SDR42E1: variants seen among roughly 807,000 people sequenced by gnomAD.
SDR42E1 encodes the protein short-chain dehydrogenase/reductase family 42E member 1.
In SDR42E1, 5 loss-of-function variants were observed where a neutral mutation model predicts 2.6. That is an observed-to-expected ratio of 1.94 (90% CI 1.01 to 4.08). The LOEUF (loss-of-function observed/expected upper bound fraction) is 4.08, where lower values mean the gene tolerates loss of function less well. Among genes scored for constraint, SDR42E1 ranks in the 30% most tolerant of loss-of-function variants. SDR42E1 has a pLI of 0.00. For missense variants in SDR42E1, 596 were observed against 478.6 expected, an observed-to-expected ratio of 1.25 and a Z score of -2.29; for synonymous variants, 231 against 188.3, an observed-to-expected ratio of 1.23 and a Z score of -1.86.
In SDR42E1 at chr16:81,989,481, T is replaced by C. The variant is rs1486196580; in HGVS notation, c.*9630A>G. 6.6e-6 allele frequency: 1 copy of C among 152,242 alleles called. No individual in the cohort carries two copies. The highest frequency in any genetic ancestry group is 1.9e-4 in the East Asian group (1 of 5,202). The allele number at this position is 152,242 out of a possible 1,614,324, so 9.4% of individuals were successfully genotyped here. ...TGTATAGTTACTTTTAAATCTAAGT[T>C]ACACAGAAGCACTCTGAATGTGTAG... On this transcript the variant is annotated 3_prime_UTR_variant, in exon 3 of 3. Coordinates refer to ENST00000328945, the MANE Select transcript of SDR42E1 (RefSeq NM_145168.3).
Position 82,000,029 on chromosome 16 carries a change from C to G in SDR42E1, c.264G>C (p.Glu88Asp), listed in dbSNP as rs777581352. 6.2e-7 allele frequency: 1 copy of G among 1,614,190 alleles called. No individual in the cohort carries two copies. Among genetic ancestry groups the G allele is most frequent in the East Asian group, 2.2e-5 (1 of 44,884 alleles). ...HIASYGMSGR[E>D]QLNRNLIKEV... ...CTTTGATCAGGTTTCGATTGAGTTG[C>G]TCCCGCCCTGACATACCATAAGAGG... The change falls in exon 3 of 3, where the codon GAG (glutamate) becomes GAC (aspartate). Residue 88 changes from glutamate (E) to aspartate (D), a missense_variant. Glu to Asp is a conservative substitution (Grantham distance 45). Transcript: ENST00000328945.
rs112422607 is a variant in SDR42E1, at chr16:82,008,535, C to T, written c.-27+2852G>A. ...ATGAGGAACTTGTTGGGAACTGGAGCAAAAGTGACTCGTTATGTTTTAGCA... is the reference window on the plus strand; with the variant it reads ...ATGAGGAACTTGTTGGGAACTGGAGTAAAAGTGACTCGTTATGTTTTAGCA... On this transcript the variant is annotated intron_variant, in intron 1 of 2. Transcript: ENST00000328945. Among the ~76,000 whole-genome samples, 7 of 152,270 alleles carry T rather than the reference C, an allele frequency of 4.6e-5. 1 individual carries two copies. The highest frequency in any genetic ancestry group is 1.7e-4 in the African/African-American group (7 of 41,540).
At position 81,995,992 on chromosome 16, in the gene SDR42E1, A is replaced by T. The variant is rs1326279455; in HGVS notation, c.*3119T>A. On this transcript the variant is annotated 3_prime_UTR_variant, in exon 3 of 3. Transcript: ENST00000328945. ...AAGAGACACGAAATAAACATTATTC[A>T]GGCCAAAAGGAGGAGCAGGGAGCCT... is the stretch of plus-strand genomic sequence containing the variant. The T allele has an allele frequency of 6.6e-6, 1 of 152,254 alleles. No individual in the cohort carries two copies. Among genetic ancestry groups the T allele is most frequent in the East Asian group, 1.9e-4 (1 of 5,202 alleles). The allele number at this position is 152,254 out of a possible 1,614,324, so 9.4% of individuals were successfully genotyped here.
chr16:82,003,104 A>T (rs969998480), intron 1 of SDR42E1, among the ~76,000 whole-genome samples: 1 of 152,194 alleles, frequency 6.6e-6, no homozygotes, highest in Non-Finnish European at 1.5e-5. Flanking sequence ...TCAGCAAGTG[A>T]CTGTCTCAGT....
rs1303355910 is a variant in SDR42E1, at chr16:81,990,440, T to C, written c.*8671A>G. 1.3e-5 allele frequency: 2 copies of C among 152,242 alleles called. No homozygotes were observed. The highest frequency in any genetic ancestry group is 4.8e-5 in the African/African-American group (2 of 41,458). The allele number at this position is 152,242 out of a possible 1,614,324, so 9.4% of individuals were successfully genotyped here. On this transcript the variant is annotated 3_prime_UTR_variant, in exon 3 of 3. Transcript: ENST00000328945. ...CTACAGTCTTATGTTGCTAATTAGT[T>C]ACTGAACATTCCATTTGAACGTCTC...
rs1247145545 is a variant in SDR42E1 at position 82,002,144 on chromosome 16, G to A, written c.-26-1260C>T. On this transcript the variant is annotated intron_variant, in intron 1 of 2. Transcript: ENST00000328945. Reference sequence around the variant, plus strand: ...AAAGTAGACTTCAACATGGAAGAGTGTGGAGACAGGAGGGAAGCGGGAGCA... The same window carrying A: ...AAAGTAGACTTCAACATGGAAGAGTATGGAGACAGGAGGGAAGCGGGAGCA... Among the ~76,000 whole-genome samples the A allele has an allele frequency of 2.0e-5, 3 of 152,182 alleles. No homozygotes were observed. In the East Asian group the frequency reaches 5.8e-4, roughly 29 times the overall value.
chr16:82,000,053 G>A lies in SDR42E1; in HGVS notation c.240C>T (p.Ala80=), dbSNP rs1488368778. 1.2e-6 allele frequency: 2 copies of A among 1,614,196 alleles called. No homozygotes were observed. The highest frequency in any genetic ancestry group is 1.7e-6 in the Non-Finnish European group (2 of 1,180,046). The change falls in exon 3 of 3, where the codon GCC becomes GCT. Residue 80 remains alanine, a synonymous_variant. Coordinates refer to ENST00000328945, the MANE Select transcript of SDR42E1 (RefSeq NM_145168.3). ...GCTCCCGCCCTGACATACCATAAGA[G>A]GCAATATGGAACACACAAGTGACGT... ...DADVTCVFHI[A]SYGMSGREQL... is the part of the protein sequence containing the mutation.
In SDR42E1 at chr16:82,000,234, G is replaced by GA. The variant is rs1567563980; in HGVS notation, c.69-11dup. On this transcript the variant is annotated splice_polypyrimidine_tract_variant and intron_variant, in intron 2 of 2. Transcript: ENST00000328945. ...CAGGGCACAGCCCAGGCTGAAATAAGAAACAGTAAACGTTGAATCAAGTCA... is the reference window on the plus strand; with the variant it reads ...CAGGGCACAGCCCAGGCTGAAATAAGAAAACAGTAAACGTTGAATCAAGTCA... The GA allele has an allele frequency of 6.2e-7, 1 of 1,602,476 alleles. No individual in the cohort carries two copies. Among genetic ancestry groups the GA allele is most frequent in the East Asian group, 2.2e-5 (1 of 44,798 alleles).
At chr16:82,000,378 C>G (rs772362022) in intron 2 of SDR42E1, 154 bp from the exon 3 acceptor site, 2 of 921,978 alleles carry the variant, frequency 2.2e-6, no homozygotes, top group Non-Finnish European at 3.5e-6. Flanking sequence ...GTGCAAGCCT[C>G]GCTTCTTCAA....
At chr16:82,004,532 A>C (rs975138997) in intron 1 of SDR42E1, among the ~76,000 whole-genome samples, 2 of 152,098 alleles carry the variant, frequency 1.3e-5, no homozygotes, top group Non-Finnish European at 2.9e-5. Context: ...ACAAGGTCTC[A>C]CTCTGTTGCC....
chr16:82,007,124 T>A (rs1912965727), intron 1 of SDR42E1, among the ~76,000 whole-genome samples: 1 of 152,238 alleles, frequency 6.6e-6, no homozygotes. Context: ...AAATGCCATG[T>A]GAGTACAGAC....
rs1912411852 is a variant in SDR42E1 at position 81,990,950 on chromosome 16, A to G, written c.*8161T>C. 6.6e-6 allele frequency: 1 copy of G among 152,178 alleles called. No homozygotes were observed. The highest frequency in any genetic ancestry group is 1.5e-5 in the Non-Finnish European group (1 of 68,030). 9.4% of individuals were successfully genotyped at this position (152,178 alleles called of 1,614,324 possible). On this transcript the variant is annotated 3_prime_UTR_variant, in exon 3 of 3. Transcript: ENST00000328945. ...CTTTGCATTTTCATTACTTCGAAAG[A>G]TTTTTATTAGGTCTGTGCTCCACGC...
In SDR42E1 at chr16:81,995,083, T is replaced by C. The variant is rs1384778275; in HGVS notation, c.*4028A>G. On this transcript the variant is annotated 3_prime_UTR_variant, in exon 3 of 3. Transcript: ENST00000328945. Reference sequence around the variant, plus strand: ...GGCTTTCCAGACCGCTCTTCCCTTTTTGCAGGTGGGAGCAGTTTGGGCATT... The same window carrying C: ...GGCTTTCCAGACCGCTCTTCCCTTTCTGCAGGTGGGAGCAGTTTGGGCATT... The C allele has an allele frequency of 6.6e-6, 1 of 152,176 alleles. No individual in the cohort carries two copies. The highest frequency in any genetic ancestry group is 1.5e-5 in the Non-Finnish European group (1 of 68,054). The allele number at this position is 152,176 out of a possible 1,614,324, so 9.4% of individuals were successfully genotyped here. A position where few individuals can be genotyped will look rare whatever the true frequency, so the allele number is the denominator to read the frequency against.
chr16:82,010,823 T>G (rs1481320588), intron 1 of SDR42E1, among the ~76,000 whole-genome samples: 1 of 152,226 alleles, frequency 6.6e-6, no homozygotes, highest in Non-Finnish European at 1.5e-5. Context: ...GTCTTCAACC[T>G]TGGCAAAATA....
chr16:81,999,460 G>A lies in SDR42E1; in HGVS notation c.833C>T (p.Pro278Leu), dbSNP rs182411290. 1.3e-4 allele frequency: 209 copies of A among 1,614,146 alleles called. 2 individuals are homozygous for A. In the African/African-American group the frequency reaches 1.7e-3, roughly 13 times the overall value. ...CAAGGTCAATGGCAGGCGGGTAGAC[G>A]GGAATGTGTAGCCCAGGCCCTCAAC... ...PLVEGLGYTF[P>L]STRLPLTLVY... Residue 278 changes from proline to leucine, a missense_variant, in exon 3 of 3, where the codon CCG becomes CTG. Physicochemically the swap from Pro to Leu is moderately conservative, Grantham distance 98. Transcript: ENST00000328945.
chr16:82,000,072 G>C lies in SDR42E1; in HGVS notation c.221C>G (p.Thr74Ser), dbSNP rs1912701134. The C allele has an allele frequency of 6.2e-7, 1 of 1,614,112 alleles. No individual in the cohort carries two copies. Among genetic ancestry groups the C allele is most frequent in the African/African-American group, 1.3e-5 (1 of 74,936 alleles). The change falls in exon 3 of 3, where the codon ACT becomes AGT. Residue 74 changes from threonine (T) to serine (S), a missense_variant. Transcript: ENST00000328945. ...VEKAFQDADVTCVFHIASYGM... is the reference protein window; with the variant it reads ...VEKAFQDADVSCVFHIASYGM... ...ATAAGAGGCAATATGGAACACACAA[G>C]TGACGTCTGCATCCTGGAAGGCTTT...
chr16:81,999,416 GA>G lies in SDR42E1; in HGVS notation c.876del (p.Leu293Ter), dbSNP rs751407697. The G allele has an allele frequency of 3.5e-5, 57 of 1,614,058 alleles. No individual in the cohort carries two copies. Among genetic ancestry groups the G allele is most frequent in the Non-Finnish European group, 4.5e-5 (53 of 1,180,052 alleles). On this transcript the variant is annotated frameshift_variant, in exon 3 of 3. Transcript: ENST00000328945. LOFTEE classifies it low-confidence loss of function (END_TRUNC). ...AAAATGAAGTGAACCATCTCTGTTA[GA>G]AAAGCAAAGCAGTAGACCAAGGTCA... ...LPLTLVYCFA[F>X]LTEMVHFILG...
chr16:82,001,285 TAGAG>T (rs1046408525), intron 1 of SDR42E1, among the ~76,000 whole-genome samples: 5 of 152,188 alleles, frequency 3.3e-5, no homozygotes, highest in Admixed American at 2.0e-4. Context: ...ATCAGAAAAT[TAGAG>T]AGCACTCTAA....
chr16:82,011,195 A>T (rs1198236086), intron 1 of SDR42E1, among the ~76,000 whole-genome samples, 192 bp downstream of exon 1: 1 of 152,206 alleles, frequency 6.6e-6, no homozygotes, highest in Non-Finnish European at 1.5e-5. Context: ...ACATTCTAGA[A>T]AGCCAAGCTG....
Sources: allele counts gnomAD v4.1 joint callset (sites outside exome capture counted in the v4.1 genomes callset), GRCh38; gene constraint gnomAD v4.1.1; transcripts MANE v1.5; gene names NCBI Gene and HGNC (gene_info 2026-07-23, HGNC 2026-07-21).